Variants in JARID2 observed in about 807,000 individuals in gnomAD.
JARID2 encodes the protein jumonji and AT-rich interaction domain containing 2.
Under a neutral mutation model 125.6 loss-of-function variants are expected in JARID2, and 21 were observed. That is an observed-to-expected ratio of 0.17 (90% CI 0.12 to 0.24). The LOEUF is 0.24. Among genes scored for constraint, JARID2 ranks in the 10% least tolerant of loss-of-function variants. The pLI, the probability that JARID2 is intolerant of heterozygous loss-of-function variation, is 1.00. For missense variants in JARID2, 1,303 were observed against 1,639.6 expected (o/e 0.79, Z 3.55); for synonymous variants, 736 against 661.6 (o/e 1.11, Z -1.73).
Position 15,521,694 on chromosome 6 carries a change from G to A in JARID2, c.*1443G>A, listed in dbSNP as rs575786583. ...CCCGTAGCTACCCATATTGCACTGAGCTTGCCAGTGGTGACTGCCAGGAAC... is the reference window on the plus strand; with the variant it reads ...CCCGTAGCTACCCATATTGCACTGAACTTGCCAGTGGTGACTGCCAGGAAC... On this transcript the variant is annotated 3_prime_UTR_variant, in exon 18 of 18. Coordinates refer to ENST00000341776, the MANE Select transcript of JARID2 (RefSeq NM_004973.4). 1 of 152,344 alleles carries A rather than the reference G, an allele frequency of 6.6e-6. No homozygotes were observed. The highest frequency in any genetic ancestry group is 2.4e-5 in the African/African-American group (1 of 41,578). The allele number at this position is 152,344 out of a possible 1,614,324, so 9.4% of individuals were successfully genotyped here. A position where few individuals can be genotyped will look rare whatever the true frequency, so the allele number is the denominator to read the frequency against.
intron 1 of JARID2, among the ~76,000 whole-genome samples, chr6:15,343,227 CAAAAAAAAA>C (rs11471181): frequency 4.0e-4 from 30 of 74,946 alleles, no homozygotes; most frequent in South Asian, 5.4e-4. Flanking sequence ...GAAACTCCGT[CAAAAAAAAA>C]AAAAAAAAAA....
At chr6:15,307,863 G>T (rs987737695) in intron 1 of JARID2, among the ~76,000 whole-genome samples, 1 of 152,178 alleles carries the variant, frequency 6.6e-6, no homozygotes, top group African/African-American at 2.4e-5. Flanking sequence ...TCATTCTCAT[G>T]CATAATTCAT....
At chr6:15,492,383 G>A (rs1043955204) in intron 6 of JARID2, among the ~76,000 whole-genome samples, 5 of 152,184 alleles carry the variant, frequency 3.3e-5, no homozygotes, top group East Asian at 3.8e-4. Context: ...GACGTGCAGC[G>A]GTGGCCTTCC....
intron 1 of JARID2, among the ~76,000 whole-genome samples, chr6:15,331,315 CAG>C (rs10570530): frequency 0.11 from 16,984 of 149,628 alleles, 1,602 homozygotes; most frequent in African/African-American, 0.26. Flanking sequence ...GCCTGGGTGG[CAG>C]AGAGAGAGAT....
intron 1 of JARID2, among the ~76,000 whole-genome samples, chr6:15,330,428 A>G (rs1198640203): frequency 6.6e-6 from 1 of 152,212 alleles, no homozygotes; most frequent in African/African-American, 2.4e-5. Flanking sequence ...AGTGGTCACG[A>G]CCACATTACC....
chr6:15,513,450 C>A, intron 16 of JARID2, 28 bp downstream of exon 16: 2 of 1,570,194 alleles, frequency 1.3e-6, no homozygotes, highest in South Asian at 1.2e-5. Flanking sequence ...TGCCGGCGCC[C>A]TCGCATGTAG....
At chr6:15,306,159 C>CTCT (rs1293846351) in intron 1 of JARID2, among the ~76,000 whole-genome samples, 1 of 152,028 alleles carries the variant, frequency 6.6e-6, no homozygotes, top group Non-Finnish European at 1.5e-5. Context: ...TCACAAGTGG[C>CTCT]AGACGCTCTT....
chr6:15,308,356 T>TC (rs1761905743), intron 1 of JARID2, among the ~76,000 whole-genome samples: 1 of 152,190 alleles, frequency 6.6e-6, no homozygotes, highest in Non-Finnish European at 1.5e-5. Flanking sequence ...GCCATCTGGA[T>TC]CTGGAGCCTC....
intron 1 of JARID2, among the ~76,000 whole-genome samples, chr6:15,319,580 G>GT (rs1050526400): frequency 2.0e-5 from 3 of 151,980 alleles, no homozygotes; most frequent in African/African-American, 7.2e-5. Flanking sequence ...TTGTGTATGT[G>GT]TTTTTAGTAG....
intron 3 of JARID2, among the ~76,000 whole-genome samples, chr6:15,439,204 A>G (rs899685301): frequency 4.6e-5 from 7 of 152,144 alleles, no homozygotes; most frequent in Admixed American, 1.3e-4. Context: ...GTAAAAGATA[A>G]GATTTTGGAC....
chr6:15,300,046 C>T lies in JARID2; in HGVS notation c.45+53462C>T, dbSNP rs78107908. Among the ~76,000 whole-genome samples the T allele has an allele frequency of 5.3e-5, 8 of 152,290 alleles. No individual in the cohort carries two copies. The East Asian group carries it at 1.5e-3, about 29-fold the overall frequency. On this transcript the variant is annotated intron_variant, in intron 1 of 17. Transcript: ENST00000341776. Reference sequence around the variant, plus strand: ...TCCCCATTCTTCTATGAGTGACCAACATGGAATGCCATGTATGCTCAAAAT... The same window carrying T: ...TCCCCATTCTTCTATGAGTGACCAATATGGAATGCCATGTATGCTCAAAAT...
rs148217405 is a variant in JARID2, at chr6:15,410,951, T to TAAC, written c.323+588_323+590dup. Among the ~76,000 whole-genome samples, 1,099 of 152,340 alleles carry TAAC rather than the reference T, an allele frequency of 7.2e-3. 14 individuals carry two copies. Among genetic ancestry groups the TAAC allele is most frequent in the African/African-American group, 0.025 (1,045 of 41,568 alleles). On this transcript the variant is annotated intron_variant, in intron 3 of 17. Coordinates refer to ENST00000341776, the MANE Select transcript of JARID2 (RefSeq NM_004973.4). ...AAGGAAGTTGGCTTTAGTAGTTTGATAACAGTTTGTGGTTTCATGGTCAAA... is the reference window on the plus strand; with the variant it reads ...AAGGAAGTTGGCTTTAGTAGTTTGATAACAACAGTTTGTGGTTTCATGGTCAAA...
intron 2 of JARID2, chr6:15,401,081 T>G (rs1459366179): frequency 7.8e-7 from 1 of 1,288,814 alleles, no homozygotes; most frequent in Non-Finnish European, 1.0e-6. Flanking sequence ...TGGTATGGCT[T>G]TTGTTGGAGA....
intron 4 of JARID2, among the ~76,000 whole-genome samples, chr6:15,456,878 C>CTTTTTTTTTTTTTTTTTTTTT (rs71535043): frequency 2.1e-5 from 2 of 95,676 alleles, no homozygotes; most frequent in African/African-American, 8.2e-5. Flanking sequence ...GGATGTTAAG[C>CTTTTTTTTTTTTTTTTTTTTT]TTTTTTTTTT....
chr6:15,455,663 C>A (rs1333116369), intron 4 of JARID2, among the ~76,000 whole-genome samples: 1 of 152,100 alleles, frequency 6.6e-6, no homozygotes, highest in Non-Finnish European at 1.5e-5. Flanking sequence ...TCCCGAGTAG[C>A]TGGGATTACA....
chr6:15,517,225 A>G lies in JARID2; in HGVS notation c.3515A>G (p.Gln1172Arg). 1 of 1,614,100 alleles carries G rather than the reference A, an allele frequency of 6.2e-7. No homozygotes were observed. The highest frequency in any genetic ancestry group is 8.5e-7 in the Non-Finnish European group (1 of 1,179,962). The change falls in exon 17 of 18, where the codon CAG (glutamine) becomes CGG (arginine). Residue 1172 changes from glutamine to arginine, a missense_variant. Physicochemically the swap from Gln to Arg is conservative, Grantham distance 43. This residue lies in a region of JARID2 where 190 missense variants were observed against 341.4 expected (regional missense o/e 0.56). Coordinates refer to ENST00000341776, the MANE Select transcript of JARID2 (RefSeq NM_004973.4). ...LECALRHVEK[Q>R]KSCRGLKLMY... ...TGTGCTCTGCGCCACGTGGAGAAAC[A>G]GAAGTCCTGCCGAGGGCTGAAGTTG...
intron 2 of JARID2, chr6:15,400,794 G>A (rs1018065854): frequency 3.0e-6 from 3 of 985,214 alleles, no homozygotes; most frequent in South Asian, 4.7e-5. Context: ...TGTTCTGGCC[G>A]TCCTATTGCC....
intron 5 of JARID2, among the ~76,000 whole-genome samples, chr6:15,481,356 ATTTC>A (rs1000211821): frequency 5.3e-5 from 8 of 152,246 alleles, no homozygotes; most frequent in African/African-American, 1.9e-4. Context: ...TAGTCCAATT[ATTTC>A]TTTTAATTGG....
chr6:15,279,770 C>T (rs1279513032), intron 1 of JARID2, among the ~76,000 whole-genome samples: 3 of 152,206 alleles, frequency 2.0e-5, no homozygotes. Context: ...TACTTTCCTG[C>T]TCAGGTTCTC....
Sources: allele counts gnomAD v4.1 joint callset (sites outside exome capture counted in the v4.1 genomes callset), GRCh38; gene constraint gnomAD v4.1.1; regional missense constraint gnomAD v4.1.1; transcripts MANE v1.5; gene names NCBI Gene and HGNC (gene_info 2026-07-23, HGNC 2026-07-21).